GXYLT1: variants seen among roughly 807,000 people sequenced by gnomAD.
GXYLT1 encodes glucoside xylosyltransferase 1.
Under a neutral mutation model 54.0 loss-of-function variants are expected in GXYLT1, and 29 were observed. That is an observed-to-expected ratio of 0.54 (90% CI 0.40 to 0.73). The LOEUF (loss-of-function observed/expected upper bound fraction) is 0.73. GXYLT1 is among the 30% of genes least tolerant of loss of function. The pLI is 0.00. For missense variants in GXYLT1, 490 were observed against 553.4 expected (o/e 0.89, Z 1.15); for synonymous variants, 176 against 204.1 (o/e 0.86, Z 1.17).
At chr12:42,089,016 TGGCATCTTTTGAGCAAGAA>T (rs1453957569) in intron 7 of GXYLT1, among the ~76,000 whole-genome samples, 1 of 152,026 alleles carries the variant, frequency 6.6e-6, no homozygotes, top group African/African-American at 2.4e-5. Context: ...TCCTAAACTT[TGGCATCTTTTGAGCAAGAA>T]AAACTGTAAG....
At chr12:42,105,473 G>A (rs1202150161) in intron 5 of GXYLT1, among the ~76,000 whole-genome samples, 1 of 152,026 alleles carries the variant, frequency 6.6e-6, no homozygotes, top group Non-Finnish European at 1.5e-5. Flanking sequence ...TTGTCCCTAA[G>A]GTATATCATA....
intron 1 of GXYLT1, among the ~76,000 whole-genome samples, chr12:42,138,561 A>T (rs757645284): frequency 6.6e-6 from 1 of 152,172 alleles, no homozygotes; most frequent in Non-Finnish European, 1.5e-5. Context: ...AAACTGGTAG[A>T]AAGCTTTCCT....
At chr12:42,088,092 T>G in intron 7 of GXYLT1, 145 bp from the exon 8 acceptor site, 1 of 461,680 alleles carries the variant, frequency 2.2e-6, no homozygotes. Flanking sequence ...TTAACAAATA[T>G]TTTCAATAAA....
chr12:42,117,551 T>C (rs2065504378), intron 3 of GXYLT1, among the ~76,000 whole-genome samples: 1 of 152,016 alleles, frequency 6.6e-6, no homozygotes, highest in Non-Finnish European at 1.5e-5. Flanking sequence ...ATCAAATATA[T>C]TTTTTACATA....
chr12:42,111,478 T>C (rs2065455489), intron 3 of GXYLT1, among the ~76,000 whole-genome samples: 2 of 152,304 alleles, frequency 1.3e-5, no homozygotes, highest in Non-Finnish European at 2.9e-5. Flanking sequence ...CACCAGGAGA[T>C]TATATCCCTC....
intron 3 of GXYLT1, among the ~76,000 whole-genome samples, chr12:42,111,290 G>A (rs1164285322): frequency 6.6e-6 from 1 of 152,252 alleles, no homozygotes; most frequent in Non-Finnish European, 1.5e-5. Flanking sequence ...GTGCAGGACA[G>A]TGGCTGCAGC....
At chr12:42,115,218 C>T (rs1232858839) in intron 3 of GXYLT1, among the ~76,000 whole-genome samples, 3 of 152,120 alleles carry the variant, frequency 2.0e-5, no homozygotes, top group Non-Finnish European at 2.9e-5. Context: ...TGAAACCTGG[C>T]ACAAGACAGG....
intron 7 of GXYLT1, among the ~76,000 whole-genome samples, chr12:42,095,232 T>C (rs1592102132): frequency 6.6e-6 from 1 of 152,096 alleles, no homozygotes; most frequent in African/African-American, 2.4e-5. Context: ...GGAACACAGG[T>C]AATAATTTCA....
chr12:42,107,494 C>A (rs1054610588), intron 4 of GXYLT1, among the ~76,000 whole-genome samples: 5 of 152,144 alleles, frequency 3.3e-5, no homozygotes, highest in African/African-American at 1.2e-4. Context: ...GCTTCGAGAC[C>A]AGCCTGACCA....
chr12:42,144,723 G>T lies in GXYLT1; in HGVS notation c.-77C>A. 1 of 1,143,358 alleles carries T rather than the reference G, an allele frequency of 8.7e-7. No individual in the cohort carries two copies. Among genetic ancestry groups the T allele is most frequent in the Non-Finnish European group, 1.1e-6 (1 of 885,920 alleles). The allele number at this position is 1,143,358 out of a possible 1,614,324, so 70.8% of individuals were successfully genotyped here. A position where few individuals can be genotyped will look rare whatever the true frequency, so the allele number is the denominator to read the frequency against. ...ACTGGAGCGGAGGGAGGGGCACCGCGCAGCCGCGGGCGCAACAAGTTCCTC... is the reference window on the plus strand; with the variant it reads ...ACTGGAGCGGAGGGAGGGGCACCGCTCAGCCGCGGGCGCAACAAGTTCCTC... On this transcript the variant is annotated 5_prime_UTR_variant, in exon 1 of 8. Transcript: ENST00000398675.
chr12:42,144,615 C>G lies in GXYLT1; in HGVS notation c.32G>C (p.Cys11Ser). Residue 11 changes from cysteine (C) to serine (S), a missense_variant, in exon 1 of 8, where the codon TGT (cysteine) becomes TCT (serine). By Grantham distance (112) the Cys-to-Ser change is moderately radical. Transcript: ENST00000398675. MRRYLRVVVL[C>S]VACGFCSLLY... ...GAGCGAGCAGAAGCCGCAGGCCACA[C>G]ACAGCACCACGACGCGCAGGTAGCG... 9.5e-6 allele frequency: 14 copies of G among 1,475,392 alleles called. No homozygotes were observed. Among genetic ancestry groups the G allele is most frequent in the Non-Finnish European group, 1.1e-5 (12 of 1,111,364 alleles). The allele number at this position is 1,475,392 out of a possible 1,614,324, so 91.4% of individuals were successfully genotyped here. A position where few individuals can be genotyped will look rare whatever the true frequency, so the allele number is the denominator to read the frequency against.
At chr12:42,110,936 G>A (rs1008587763) in intron 3 of GXYLT1, among the ~76,000 whole-genome samples, 5 of 152,210 alleles carry the variant, frequency 3.3e-5, no homozygotes, top group Admixed American at 6.5e-5. Flanking sequence ...ACAGTCAAAC[G>A]AAAACTAAGT....
chr12:42,091,887 C>T (rs2065331376), intron 7 of GXYLT1, among the ~76,000 whole-genome samples: 2 of 152,320 alleles, frequency 1.3e-5, no homozygotes, highest in South Asian at 4.1e-4. Context: ...GACTTTCATC[C>T]ATCACTCCAG....
intron 2 of GXYLT1, among the ~76,000 whole-genome samples, chr12:42,120,162 C>T (rs536326143): frequency 6.6e-6 from 1 of 152,262 alleles, no homozygotes; most frequent in African/African-American, 2.4e-5. Context: ...AACATTCTTA[C>T]TTCATATGAA....
At chr12:42,131,070 C>T (rs2065591490) in intron 1 of GXYLT1, among the ~76,000 whole-genome samples, 1 of 152,134 alleles carries the variant, frequency 6.6e-6, no homozygotes, top group Non-Finnish European at 1.5e-5. Context: ...ATTATACAAG[C>T]TAAAATGGAA....
intron 5 of GXYLT1, among the ~76,000 whole-genome samples, chr12:42,099,178 G>A (rs1353847788): frequency 6.6e-6 from 1 of 152,126 alleles, no homozygotes; most frequent in African/African-American, 2.4e-5. Context: ...TGTAAGCTTT[G>A]CTATCAGAAT....
intron 2 of GXYLT1, among the ~76,000 whole-genome samples, chr12:42,119,812 G>A (rs76200718): frequency 0.016 from 2,363 of 152,200 alleles, 65 homozygotes; most frequent in African/African-American, 0.054. Context: ...AAAAAAGAAT[G>A]TATTTATTTA....
intron 5 of GXYLT1, among the ~76,000 whole-genome samples, chr12:42,102,824 T>C (rs1036591007): frequency 2.6e-5 from 4 of 152,148 alleles, no homozygotes; most frequent in Non-Finnish European, 5.9e-5. Context: ...TAACCAATGT[T>C]ATTCATTATC....
intron 1 of GXYLT1, among the ~76,000 whole-genome samples, chr12:42,132,331 T>G (rs1190355421): frequency 6.6e-6 from 1 of 152,202 alleles, no homozygotes; most frequent in African/African-American, 2.4e-5. Context: ...AAGGAATAAC[T>G]AGAGTCAGCT....
Sources: gnomAD v4.1 joint callset for allele counts (sites outside exome capture counted in the v4.1 genomes callset) on GRCh38, gnomAD v4.1.1 for gene constraint, MANE v1.5 for transcripts, NCBI Gene and HGNC (gene_info 2026-07-23, HGNC 2026-07-21) for gene names.